Variants in SLCO5A1 observed in about 807,000 individuals in gnomAD.
The protein encoded by SLCO5A1 is solute carrier organic anion transporter family member 5A1.
A neutral mutation model predicts 65.1 loss-of-function variants in SLCO5A1; 39 were observed. The ratio of observed to expected loss-of-function variants is 0.60; its 90% CI spans 0.46 to 0.78. The LOEUF is 0.78. Ranked by LOEUF, SLCO5A1 falls within the 30% of genes least tolerant of loss-of-function variation. The probability of loss-of-function intolerance (pLI) is 0.00; values close to 1 mark genes in which losing one functional copy is unlikely to be tolerated. For missense variants in SLCO5A1, 1,029 were observed against 1,069.4 expected (o/e 0.96, Z 0.53); for synonymous variants, 438 against 415.7 (o/e 1.05, Z -0.65).
At chr8:69,798,334 G>A (rs574608407) in intron 2 of SLCO5A1, among the ~76,000 whole-genome samples, 1 of 152,206 alleles carries the variant, frequency 6.6e-6, no homozygotes, top group South Asian at 2.1e-4. Flanking sequence ...ACCTGAGACT[G>A]GGTAATTTAT....
At chr8:69,743,377 G>T (rs1367982359) in intron 4 of SLCO5A1, among the ~76,000 whole-genome samples, 1 of 152,052 alleles carries the variant, frequency 6.6e-6, no homozygotes, top group Non-Finnish European at 1.5e-5. Context: ...GTTTTAGATA[G>T]GGTCTCCCTC....
intron 2 of SLCO5A1, among the ~76,000 whole-genome samples, chr8:69,795,598 T>C (rs2130896976): frequency 6.6e-6 from 1 of 152,280 alleles, no homozygotes; most frequent in African/African-American, 2.4e-5. Flanking sequence ...GCTGCTCTCA[T>C]GGTATGGCAT....
intron 6 of SLCO5A1, among the ~76,000 whole-genome samples, chr8:69,701,463 A>G (rs1290873134): frequency 6.6e-6 from 1 of 152,150 alleles, no homozygotes; most frequent in Non-Finnish European, 1.5e-5. Context: ...ATCTGATAAG[A>G]AACATTTTAC....
At chr8:69,772,648 GGAAAGGA>G (rs1268741613) in intron 2 of SLCO5A1, among the ~76,000 whole-genome samples, 1 of 147,388 alleles carries the variant, frequency 6.8e-6, no homozygotes, top group East Asian at 2.1e-4. Context: ...GGAAAGGAAA[GGAAAGGA>G]AAAGAAATGA....
intron 5 of SLCO5A1, among the ~76,000 whole-genome samples, chr8:69,715,167 A>T (rs1815453440): frequency 6.6e-6 from 1 of 152,236 alleles, no homozygotes; most frequent in Non-Finnish European, 1.5e-5. Context: ...CAAAAATCAC[A>T]GTATTTACTT....
rs533054553 is a variant in SLCO5A1 at position 69,691,692 on chromosome 8, T to C, written c.1623-9349A>G. On this transcript the variant is annotated intron_variant, in intron 6 of 9. Coordinates refer to ENST00000260126, the MANE Select transcript of SLCO5A1 (RefSeq NM_030958.3). ...TTTAAGGCTGAATAGTGTTCCATTG[T>C]ATGTATATAGTCATGTGTCACTTAA... is the stretch of plus-strand genomic sequence containing the variant. Among the ~76,000 whole-genome samples the C allele has an allele frequency of 3.3e-5, 5 of 152,238 alleles. No individual in the cohort carries two copies. The South Asian group carries it at 1.0e-3, about 31-fold the overall frequency.
At chr8:69,756,291 G>C (rs1478617744) in intron 3 of SLCO5A1, among the ~76,000 whole-genome samples, 1 of 152,104 alleles carries the variant, frequency 6.6e-6, no homozygotes, top group African/African-American at 2.4e-5. Context: ...TGTAATCCCA[G>C]CTACTCGGGA....
intron 5 of SLCO5A1, chr8:69,713,403 T>C (rs1469247156): frequency 6.6e-6 from 1 of 152,210 alleles, no homozygotes; most frequent in Non-Finnish European, 1.5e-5. Flanking sequence ...GCAGAATGAG[T>C]ACCTAGAAAA....
At chr8:69,761,479 C>T (rs1197834451) in intron 3 of SLCO5A1, 2 of 385,800 alleles carry the variant, frequency 5.2e-6, no homozygotes, top group East Asian at 1.2e-4. Flanking sequence ...TTACACTGGG[C>T]CCACCCAGGT....
intron 2 of SLCO5A1, among the ~76,000 whole-genome samples, chr8:69,822,859 G>A (rs1563376121): frequency 6.6e-6 from 1 of 152,172 alleles, no homozygotes; most frequent in Non-Finnish European, 1.5e-5. Context: ...CTTTTCCGGT[G>A]CTCTTTCTAA....
chr8:69,720,128 G>T (rs963610022), intron 5 of SLCO5A1, among the ~76,000 whole-genome samples: 2 of 151,990 alleles, frequency 1.3e-5, no homozygotes, highest in African/African-American at 4.8e-5. Context: ...ATTTATTCTT[G>T]GTTTTTAATA....
At chr8:69,696,517 C>T (rs1045545361) in intron 6 of SLCO5A1, among the ~76,000 whole-genome samples, 1 of 152,180 alleles carries the variant, frequency 6.6e-6, no homozygotes, top group South Asian at 2.1e-4. Context: ...TATCCGTTGC[C>T]TCCCATCTCC....
chr8:69,802,281 TCGC>T (rs1418811964), intron 2 of SLCO5A1, among the ~76,000 whole-genome samples: 1 of 151,954 alleles, frequency 6.6e-6, no homozygotes, highest in African/African-American at 2.4e-5. Context: ...GGTGGGAGGA[TCGC>T]TTGAGTCCAG....
chr8:69,708,520 A>G (rs1468484699), intron 5 of SLCO5A1, among the ~76,000 whole-genome samples: 2 of 151,710 alleles, frequency 1.3e-5, no homozygotes, highest in Admixed American at 1.3e-4. Context: ...AAGATGTGCC[A>G]TTGCACTCCA....
chr8:69,688,114 T>G (rs967290427), intron 6 of SLCO5A1, among the ~76,000 whole-genome samples: 1 of 151,910 alleles, frequency 6.6e-6, no homozygotes, highest in African/African-American at 2.4e-5. Flanking sequence ...TAAAACGAAG[T>G]AAAACAAACA....
chr8:69,826,949 A>G (rs1487089452), intron 2 of SLCO5A1, among the ~76,000 whole-genome samples: 2 of 152,146 alleles, frequency 1.3e-5, no homozygotes, highest in Non-Finnish European at 2.9e-5. Flanking sequence ...CATATACACC[A>G]TGGAATACTA....
chr8:69,703,086 G>T (rs562422872), intron 6 of SLCO5A1, among the ~76,000 whole-genome samples: 1 of 149,522 alleles, frequency 6.7e-6, no homozygotes, highest in African/African-American at 2.5e-5. Context: ...ACTCCAGCCT[G>T]GGGGACAGAG....
At chr8:69,690,024 T>G (rs9693183) in intron 6 of SLCO5A1, among the ~76,000 whole-genome samples, 1 of 151,724 alleles carries the variant, frequency 6.6e-6, no homozygotes, top group Non-Finnish European at 1.5e-5. Flanking sequence ...GCAAGGCCGG[T>G]GGACCCCGCC....
intron 2 of SLCO5A1, among the ~76,000 whole-genome samples, chr8:69,772,704 G>C (rs1818386069): frequency 6.6e-6 from 1 of 151,842 alleles, no homozygotes. Flanking sequence ...GGGAGCCATG[G>C]GCCTCCCTGG....
Sources: gnomAD v4.1 joint callset for allele counts (sites outside exome capture counted in the v4.1 genomes callset) on GRCh38, gnomAD v4.1.1 for gene constraint, MANE v1.5 for transcripts, NCBI Gene and HGNC (gene_info 2026-07-23, HGNC 2026-07-21) for gene names.